Variants in BCAS3 observed in about 807,000 individuals in gnomAD.
BCAS3 encodes the protein BCAS4/BCAS3 fusion.
A neutral mutation model predicts 116.1 loss-of-function variants in BCAS3; 53 were observed. The observed-to-expected ratio is 0.46, with a 90% CI of 0.37 to 0.57. The LOEUF (loss-of-function observed/expected upper bound fraction) is 0.57, where lower values mean the gene tolerates loss of function less well. Among genes scored for constraint, BCAS3 ranks in the 20% least tolerant of loss-of-function variants. The probability of loss-of-function intolerance (pLI) is 0.00; values close to 1 mark genes in which losing one functional copy is unlikely to be tolerated. For missense variants in BCAS3, 917 were observed against 1,165.4 expected (o/e 0.79, Z 3.10); for synonymous variants, 391 against 408.2 (o/e 0.96, Z 0.51).
chr17:61,293,521 C>T (rs2052630437), intron 22 of BCAS3, among the ~76,000 whole-genome samples: 1 of 152,064 alleles, frequency 6.6e-6, no homozygotes, highest in Non-Finnish European at 1.5e-5. Flanking sequence ...CTATTAGGGC[C>T]CAGAGAAGTC....
rs540701496 is a variant in BCAS3, at chr17:61,286,391, C to T, written c.2426-81936C>T. Among the ~76,000 whole-genome samples the T allele has an allele frequency of 7.1e-4, 108 of 152,238 alleles. No individual in the cohort carries two copies. The highest frequency in any genetic ancestry group is 2.4e-3 in the African/African-American group (98 of 41,540). ...CCACTCCTGTGCTGGTGAAGTCTGG[C>T]GTGTGGAGAGGCCTCTGGTTATTGG... On this transcript the variant is annotated intron_variant, in intron 22 of 23. Coordinates refer to ENST00000407086, the MANE Select transcript of BCAS3 (RefSeq NM_017679.5). The surrounding 1 kb of genome is among the most constrained non-coding windows in gnomAD (Gnocchi z 4.8).
At position 61,026,931 on chromosome 17, in the gene BCAS3, G is replaced by C. The variant is rs376852867; in HGVS notation, c.1638-7735G>C. ...CCATGGTGAGTTCCAGTTCAGTCCC[G>C]CATGCCTCATTCATTTGCTGTACTC... On this transcript the variant is annotated intron_variant, in intron 16 of 23. Transcript: ENST00000407086. This position sits in a 1 kb window ranked among gnomAD's most constrained non-coding sequence, Gnocchi z 5.0. 1 of 1,590,766 alleles carries C rather than the reference G, an allele frequency of 6.3e-7. No homozygotes were observed. Among genetic ancestry groups the C allele is most frequent in the Non-Finnish European group, 8.6e-7 (1 of 1,166,464 alleles).
chr17:60,896,456 T>A (rs937516619), intron 10 of BCAS3, among the ~76,000 whole-genome samples: 3 of 152,260 alleles, frequency 2.0e-5, no homozygotes, highest in Admixed American at 2.0e-4. Flanking sequence ...TCTCTTTAGA[T>A]ATAGTATATA....
At chr17:60,690,437 G>A (rs2034656676) in intron 4 of BCAS3, among the ~76,000 whole-genome samples, 1 of 152,052 alleles carries the variant, frequency 6.6e-6, no homozygotes. Flanking sequence ...AGGCTTGGTG[G>A]TGTGTGCCTG....
intron 6 of BCAS3, among the ~76,000 whole-genome samples, chr17:60,768,596 C>T (rs764060134): frequency 2.6e-5 from 4 of 152,116 alleles, no homozygotes; most frequent in Non-Finnish European, 4.4e-5. Context: ...AGTAAACTCC[C>T]CTTTTTTATA....
chr17:60,819,193 C>G (rs142618141), intron 7 of BCAS3, among the ~76,000 whole-genome samples: 80 of 152,210 alleles, frequency 5.3e-4, no homozygotes, highest in Non-Finnish European at 8.1e-4. Flanking sequence ...CACTTAATTA[C>G]TTAAAGCAAA....
At chr17:60,973,975 G>T (rs1176690238) in intron 14 of BCAS3, among the ~76,000 whole-genome samples, 1 of 151,990 alleles carries the variant, frequency 6.6e-6, no homozygotes, top group African/African-American at 2.4e-5. Flanking sequence ...TTCTAACTTG[G>T]TATTGCTGAT....
intron 2 of BCAS3, among the ~76,000 whole-genome samples, chr17:60,681,678 A>G (rs1345945188): frequency 2.7e-5 from 4 of 150,000 alleles, no homozygotes; most frequent in Non-Finnish European, 4.4e-5. Flanking sequence ...CAGCCTCCCA[A>G]GTAGCTGGGA....
intron 13 of BCAS3, 144 bp downstream of exon 13, chr17:60,924,644 T>C: frequency 1.9e-6 from 1 of 535,402 alleles, no homozygotes; most frequent in East Asian, 3.0e-5. Flanking sequence ...TTATATTGAA[T>C]AAAGGAATTT....
At position 61,128,447 on chromosome 17, in the gene BCAS3, A is replaced by G; in HGVS notation, c.2425+43883A>G. 1.0e-6 allele frequency: 1 copy of G among 985,436 alleles called. No homozygotes were observed. The highest frequency in any genetic ancestry group is 4.7e-5 in the South Asian group (1 of 21,288). The allele number at this position is 985,436 out of a possible 1,614,324, so 61.0% of individuals were successfully genotyped here. A position where few individuals can be genotyped will look rare whatever the true frequency, so the allele number is the denominator to read the frequency against. On this transcript the variant is annotated intron_variant, in intron 22 of 23. Transcript: ENST00000407086. This position sits in a 1 kb window ranked among gnomAD's most constrained non-coding sequence, Gnocchi z 4.1. ...CCCTGCAGTTATTGCTCAACAGAGT[A>G]ATAATAATAGATTTGGAGAATGTTC...
At chr17:60,716,706 C>A (rs892134931) in intron 5 of BCAS3, among the ~76,000 whole-genome samples, 6 of 144,494 alleles carry the variant, frequency 4.2e-5, no homozygotes, top group African/African-American at 1.7e-4. Context: ...CAGAGCAAGA[C>A]CCTCTCAAAA....
chr17:61,291,386 T>C (rs1357304667), intron 22 of BCAS3, among the ~76,000 whole-genome samples: 1 of 152,220 alleles, frequency 6.6e-6, no homozygotes, highest in East Asian at 1.9e-4. Flanking sequence ...TGAGCTTGCT[T>C]TCTGTAGCTC....
rs952819656 is a variant in BCAS3 at position 61,362,052 on chromosome 17, C to T, written c.2426-6275C>T. On this transcript the variant is annotated intron_variant, in intron 22 of 23. Coordinates refer to ENST00000407086, the MANE Select transcript of BCAS3 (RefSeq NM_017679.5). The surrounding 1 kb of genome is among the most constrained non-coding windows in gnomAD (Gnocchi z 4.4). ...AGCCTTGCTGGCTATCTGGGCATCC[C>T]TTAGTCCAGTCAAGTTGATACATGA... 6.6e-6 allele frequency among the ~76,000 whole-genome samples: 1 copy of T among 152,196 alleles called. No individual in the cohort carries two copies. The highest frequency in any genetic ancestry group is 2.4e-5 in the African/African-American group (1 of 41,444).
At chr17:61,212,777 T>C (rs1412644497) in intron 22 of BCAS3, among the ~76,000 whole-genome samples, 1 of 152,200 alleles carries the variant, frequency 6.6e-6, no homozygotes, top group Non-Finnish European at 1.5e-5. Flanking sequence ...AGCTTCTCTT[T>C]GGAATCACAA....
At chr17:61,359,260 T>C (rs1368845858) in intron 22 of BCAS3, among the ~76,000 whole-genome samples, 2 of 152,156 alleles carry the variant, frequency 1.3e-5, no homozygotes, top group Non-Finnish European at 2.9e-5. Context: ...TCCTCTAATT[T>C]TGAATGGGCC....
chr17:60,848,150 A>G (rs773726984), intron 7 of BCAS3, among the ~76,000 whole-genome samples: 1 of 152,150 alleles, frequency 6.6e-6, no homozygotes, highest in Non-Finnish European at 1.5e-5. Flanking sequence ...ATTCTATTTC[A>G]TTTTTGGAAT....
chr17:61,148,076 C>T (rs529610623), intron 22 of BCAS3, among the ~76,000 whole-genome samples: 1 of 151,908 alleles, frequency 6.6e-6, no homozygotes, highest in South Asian at 2.1e-4. Context: ...CCACAAGGAA[C>T]ATTGTTGACA....
intron 9 of BCAS3, among the ~76,000 whole-genome samples, chr17:60,878,088 C>T (rs2055784697): frequency 6.6e-6 from 1 of 150,416 alleles, no homozygotes; most frequent in African/African-American, 2.5e-5. Context: ...TGGCTCACTG[C>T]AGCCTCCACC....
intron 14 of BCAS3, among the ~76,000 whole-genome samples, chr17:60,969,088 T>G (rs2145338971): frequency 6.6e-6 from 1 of 152,278 alleles, no homozygotes. Flanking sequence ...CCATTCACTC[T>G]GAGGTTTTCT....
Sources: gnomAD v4.1 joint callset for allele counts (sites outside exome capture counted in the v4.1 genomes callset) on GRCh38, gnomAD v4.1.1 for gene constraint, Gnocchi (gnomAD v3.1) non-coding constraint, MANE v1.5 for transcripts, NCBI Gene and HGNC (gene_info 2026-07-23, HGNC 2026-07-21) for gene names.